The following SOX6 variants were observed in gnomAD, a reference collection of about 807,000 sequenced individuals.
The protein encoded by SOX6 is transcription factor SOX-6.
In SOX6, 11 loss-of-function variants were observed where a neutral mutation model predicts 97.8. The observed-to-expected ratio is 0.11, with a 90% CI of 0.07 to 0.19. The LOEUF is 0.19. SOX6 is among the 10% of genes least tolerant of loss of function. The pLI, the probability that SOX6 is intolerant of heterozygous loss-of-function variation, is 1.00. For missense variants in SOX6, 810 were observed against 1,039.5 expected, an observed-to-expected ratio of 0.78 and a Z score of 3.04; for synonymous variants, 360 against 371.4, an observed-to-expected ratio of 0.97 and a Z score of 0.35.
At chr11:16,318,695 T>C in intron 2 of SOX6, 42 bp from the exon 3 acceptor site, 1 of 1,572,656 alleles carries the variant, frequency 6.4e-7, no homozygotes, top group South Asian at 1.1e-5. Flanking sequence ...AATATACGTT[T>C]CTTTGCATGC....
intron 1 of SOX6, among the ~76,000 whole-genome samples, chr11:16,374,303 T>C (rs1471608195): frequency 6.6e-6 from 1 of 152,066 alleles, no homozygotes; most frequent in Non-Finnish European, 1.5e-5. Context: ...ACTCACATCT[T>C]TTTTAGCTCA....
chr11:16,595,660 A>T (rs533768398), intron 4 of SOX6, among the ~76,000 whole-genome samples: 5 of 151,696 alleles, frequency 3.3e-5, no homozygotes, highest in Non-Finnish European at 7.4e-5. Context: ...CTGTAGTCGC[A>T]GCTACTCAGG....
At chr11:16,490,314 A>T (rs1409760293) in intron 4 of SOX6, among the ~76,000 whole-genome samples, 1 of 152,054 alleles carries the variant, frequency 6.6e-6, no homozygotes, top group Non-Finnish European at 1.5e-5. Flanking sequence ...CTGCTTTAAT[A>T]GACTCCCCAA....
chr11:16,481,596 A>G (rs1334189221), intron 4 of SOX6, among the ~76,000 whole-genome samples: 4 of 152,104 alleles, frequency 2.6e-5, no homozygotes, highest in Non-Finnish European at 5.9e-5. Context: ...CTTCAATATT[A>G]TTTTGGTATT....
At chr11:16,048,663 T>G (rs1812634134) in intron 11 of SOX6, among the ~76,000 whole-genome samples, 1 of 152,152 alleles carries the variant, frequency 6.6e-6, no homozygotes, top group African/African-American at 2.4e-5. Flanking sequence ...AGAATGTTTT[T>G]TAAGCTGTTA....
At chr11:15,998,242 G>A (rs1042701304) in intron 13 of SOX6, among the ~76,000 whole-genome samples, 22 of 150,950 alleles carry the variant, frequency 1.5e-4, no homozygotes, top group Admixed American at 5.3e-4. Context: ...TAACAGTATT[G>A]CAATGAACAA....
intron 12 of SOX6, among the ~76,000 whole-genome samples, chr11:16,044,918 A>G (rs1855779992): frequency 6.6e-6 from 1 of 152,126 alleles, no homozygotes. Context: ...TCAGTGTGAT[A>G]TGTTTTAGGT....
chr11:16,060,953 T>C (rs1053894202), intron 9 of SOX6, among the ~76,000 whole-genome samples: 1 of 151,750 alleles, frequency 6.6e-6, no homozygotes, highest in Non-Finnish European at 1.5e-5. Context: ...AAATAACAGA[T>C]ACCCAATCAA....
At chr11:16,638,149 T>G (rs1204565886) in intron 3 of SOX6, among the ~76,000 whole-genome samples, 1 of 148,898 alleles carries the variant, frequency 6.7e-6, no homozygotes, top group Non-Finnish European at 1.5e-5. Context: ...ACTGAGAACA[T>G]GCGGTGTTTG....
intron 1 of SOX6, among the ~76,000 whole-genome samples, chr11:16,453,040 T>C (rs536803118): frequency 1.0e-3 from 158 of 152,296 alleles, no homozygotes; most frequent in African/African-American, 3.8e-3. Flanking sequence ...ACTGCTCTCA[T>C]GGCATAAACA....
chr11:16,247,184 T>G (rs1853361621), intron 3 of SOX6, among the ~76,000 whole-genome samples: 1 of 152,212 alleles, frequency 6.6e-6, no homozygotes, highest in Non-Finnish European at 1.5e-5. Flanking sequence ...GACTGGCTTA[T>G]TTTTCTTAAC....
chr11:15,988,751 A>G (rs1853944503), intron 14 of SOX6, among the ~76,000 whole-genome samples: 1 of 152,238 alleles, frequency 6.6e-6, no homozygotes, highest in Admixed American at 6.5e-5. Flanking sequence ...CTCTGAAATA[A>G]GTGTTCAGAC....
intron 4 of SOX6, among the ~76,000 whole-genome samples, chr11:16,503,211 T>A (rs1390480862): frequency 2.0e-5 from 3 of 151,716 alleles, no homozygotes; most frequent in African/African-American, 7.3e-5. Flanking sequence ...GAAATGCTTA[T>A]GGAGTTCTAC....
chr11:15,982,674 A>G (rs1853698717), intron 15 of SOX6, among the ~76,000 whole-genome samples: 1 of 147,946 alleles, frequency 6.8e-6, no homozygotes, highest in Non-Finnish European at 1.5e-5. Context: ...TAAACGCAAG[A>G]AAAAAAAAGT....
chr11:16,501,562 C>T (rs1237897725), intron 4 of SOX6, among the ~76,000 whole-genome samples: 2 of 151,806 alleles, frequency 1.3e-5, no homozygotes, highest in Admixed American at 1.3e-4. Context: ...ATCTACTCAT[C>T]TGACAAAGGG....
At chr11:16,440,585 C>G (rs1363847593) in intron 1 of SOX6, among the ~76,000 whole-genome samples, 1 of 152,110 alleles carries the variant, frequency 6.6e-6, no homozygotes, top group Non-Finnish European at 1.5e-5. Context: ...TTTTAGAAAA[C>G]AGAAGCAGTC....
intron 3 of SOX6, among the ~76,000 whole-genome samples, chr11:16,283,089 G>GTATATATATATATATATATATA (rs10581083): frequency 0.015 from 1,656 of 113,344 alleles, 49 homozygotes; most frequent in Non-Finnish European, 0.019. Flanking sequence ...TATATAATTT[G>GTATATATATATATATATATATA]TATATATATA....
rs373902592 is a variant in SOX6, at chr11:16,076,668, A to C, written c.1101+19328T>G. Among the ~76,000 whole-genome samples the C allele has an allele frequency of 5.3e-5, 8 of 151,404 alleles. No homozygotes were observed. The East Asian group carries it at 1.4e-3, about 26-fold the overall frequency. On this transcript the variant is annotated intron_variant, in intron 9 of 15. Transcript: ENST00000683767. ...AAACTTATAATCATGATGGAAGGCG[A>C]AAGGGAAGCAGGCACATCTTACATG...
intron 6 of SOX6, among the ~76,000 whole-genome samples, 163 bp from the exon 7 acceptor site, chr11:16,112,086 C>A (rs562092626): frequency 3.9e-5 from 6 of 152,148 alleles, no homozygotes; most frequent in African/African-American, 4.8e-5. Context: ...CCACCAAATC[C>A]CTTTTCTGAG....
Sources: gnomAD v4.1 joint callset for allele counts (sites outside exome capture counted in the v4.1 genomes callset) on GRCh38, gnomAD v4.1.1 for gene constraint, MANE v1.5 for transcripts, NCBI Gene and HGNC (gene_info 2026-07-23, HGNC 2026-07-21) for gene names.